SP2: variants seen among roughly 807,000 people sequenced by gnomAD.
The protein encoded by SP2 is Sp2 transcription factor, also known as transcription factor Sp2.
In SP2, 9 loss-of-function variants were observed where a neutral mutation model predicts 50.1. The observed-to-expected ratio is 0.18, with a 90% CI of 0.11 to 0.31. The LOEUF (loss-of-function observed/expected upper bound fraction) is 0.31. SP2 is among the 10% of genes least tolerant of loss of function. The probability of loss-of-function intolerance (pLI) is 1.00; values close to 1 mark genes in which losing one functional copy is unlikely to be tolerated. For synonymous variants in SP2, 313 were observed against 326.6 expected (o/e 0.96, Z 0.45); for missense variants, 581 against 806.5 (o/e 0.72, Z 3.39).
At chr17:47,925,727 C>T (rs1224262220) in intron 6 of SP2, among the ~76,000 whole-genome samples, 186 bp downstream of exon 6, 1 of 152,146 alleles carries the variant, frequency 6.6e-6, no homozygotes, top group Non-Finnish European at 1.5e-5. Context: ...ACTGTTGTTT[C>T]CCCAAGTAAT....
intron 1 of SP2, among the ~76,000 whole-genome samples, chr17:47,900,847 G>A (rs535124608): frequency 6.6e-6 from 1 of 152,288 alleles, no homozygotes; most frequent in South Asian, 2.1e-4. Context: ...ATGTGCCAAA[G>A]CACATAAAGA....
Position 47,915,446 on chromosome 17 carries a change from G to A in SP2, c.84+58G>A, listed in dbSNP as rs532311407. On this transcript the variant is annotated intron_variant, in intron 2 of 6. Coordinates refer to ENST00000376741, the MANE Select transcript of SP2 (RefSeq NM_003110.6). Reference sequence around the variant, plus strand: ...CTGCAGCATCCTGGACAGACTCACCGAAAACACTCTCTCTTCACTGTCTCA... The same window carrying A: ...CTGCAGCATCCTGGACAGACTCACCAAAAACACTCTCTCTTCACTGTCTCA... 180 of 1,093,906 alleles carry A rather than the reference G, an allele frequency of 1.6e-4. 2 individuals are homozygous for A. The highest frequency in any genetic ancestry group is 1.3e-3 in the East Asian group (53 of 39,728). 67.8% of individuals were successfully genotyped at this position (1,093,906 alleles called of 1,614,324 possible). A position where few individuals can be genotyped will look rare whatever the true frequency, so the allele number is the denominator to read the frequency against.
At chr17:47,908,618 G>T (rs1056007902) in intron 1 of SP2, 1 of 151,888 alleles carries the variant, frequency 6.6e-6, no homozygotes, top group Non-Finnish European at 1.5e-5. Context: ...ACAGTGGCAC[G>T]ATCTTGGCTC....
chr17:47,921,717 T>A (rs1337450494), intron 3 of SP2, among the ~76,000 whole-genome samples: 1 of 152,226 alleles, frequency 6.6e-6, no homozygotes, highest in Non-Finnish European at 1.5e-5. Flanking sequence ...TTCCAAGCTT[T>A]CCTTGTACCT....
chr17:47,927,891 G>A lies in SP2; in HGVS notation c.*67G>A. On this transcript the variant is annotated 3_prime_UTR_variant, in exon 7 of 7. Transcript: ENST00000376741. The stretch of plus-strand genomic sequence containing the variant: ...CTGTGTCCTCCCTGGGCCCCTGGTG[G>A]AAAGGAGCCCTGTGGCTGCCTTGGG... 1 of 992,472 alleles carries A rather than the reference G, an allele frequency of 1.0e-6. No individual in the cohort carries two copies. The highest frequency in any genetic ancestry group is 1.4e-5 in the South Asian group (1 of 72,390). 61.5% of individuals were successfully genotyped at this position (992,472 alleles called of 1,614,324 possible).
At chr17:47,920,974 A>G (rs2035434145) in intron 3 of SP2, among the ~76,000 whole-genome samples, 1 of 152,096 alleles carries the variant, frequency 6.6e-6, no homozygotes, top group South Asian at 2.1e-4. Flanking sequence ...GCCCCTGACA[A>G]CTACTGGTCT....
chr17:47,919,625 A>G (rs1025933995), intron 3 of SP2, among the ~76,000 whole-genome samples: 1 of 151,958 alleles, frequency 6.6e-6, no homozygotes, highest in African/African-American at 2.4e-5. Flanking sequence ...ATTCCTACAC[A>G]CAAGAACATT....
chr17:47,926,973 C>T (rs2035674768), intron 6 of SP2, among the ~76,000 whole-genome samples: 1 of 152,126 alleles, frequency 6.6e-6, no homozygotes, highest in Non-Finnish European at 1.5e-5. Flanking sequence ...GCAGAGGAGT[C>T]AACACTCCAC....
intron 2 of SP2, among the ~76,000 whole-genome samples, chr17:47,915,707 T>TAA (rs2143947852): frequency 6.6e-6 from 1 of 152,290 alleles, no homozygotes; most frequent in Non-Finnish European, 1.5e-5. Flanking sequence ...TTCCGAGTAC[T>TAA]AAAAAGCACT....
rs2035207789 is a variant in SP2 at position 47,916,520 on chromosome 17, C to G, written c.449C>G (p.Pro150Arg). The change falls in exon 3 of 7, where the codon CCC becomes CGC. Residue 150 changes from proline (P) to arginine (R), a missense_variant. Pro to Arg is a moderately radical substitution (Grantham distance 103, BLOSUM62 -2). Transcript: ENST00000376741. This position sits in a 1 kb window ranked among gnomAD's most constrained non-coding sequence, Gnocchi z 4.7. ...AATTCCCAAACCATCCAAGTACAGC[C>G]CAATCTCACCAACCAGATCCAGATC... The part of the protein sequence containing the change: ...ASNSQTIQVQ[P>R]NLTNQIQIIP... 1 of 1,614,108 alleles carries G rather than the reference C, an allele frequency of 6.2e-7. No individual in the cohort carries two copies. Among genetic ancestry groups the G allele is most frequent in the Non-Finnish European group, 8.5e-7 (1 of 1,180,020 alleles).
intron 1 of SP2, among the ~76,000 whole-genome samples, chr17:47,903,972 AAAG>A (rs918745751): frequency 1.3e-5 from 2 of 150,110 alleles, no homozygotes; most frequent in African/African-American, 4.9e-5. Flanking sequence ...CAAAAAAAAA[AAAG>A]AAGTAGGCCA....
chr17:47,904,561 T>C (rs888936860), intron 1 of SP2, among the ~76,000 whole-genome samples: 6 of 151,052 alleles, frequency 4.0e-5, no homozygotes, highest in Admixed American at 3.9e-4. Flanking sequence ...GGGTCTGAGA[T>C]GGCGGAGTGG....
chr17:47,915,214 C>CCA lies in SP2; in HGVS notation c.8-98_8-97insCA. The CCA allele has an allele frequency of 2.5e-5, 18 of 715,740 alleles. No individual in the cohort carries two copies. In the East Asian group the frequency reaches 4.4e-4, roughly 18 times the overall value. The allele number at this position is 715,740 out of a possible 1,614,324, so 44.3% of individuals were successfully genotyped here. A position where few individuals can be genotyped will look rare whatever the true frequency, so the allele number is the denominator to read the frequency against. On this transcript the variant is annotated intron_variant, in intron 1 of 6. Transcript: ENST00000376741. ...GGCAACAAGAGCAAAAATTCCGTCT[C>CCA]AAAAAAAAAAAAATAGAAAAAAAGA...
chr17:47,916,589 G>A lies in SP2; in HGVS notation c.518G>A (p.Ser173Asn), dbSNP rs775982479. Residue 173 changes from serine (S) to asparagine (N), a missense_variant, in exon 3 of 7, where the codon AGT (serine) becomes AAT (asparagine). Physicochemically the swap from Ser to Asn is conservative, Grantham distance 46 (BLOSUM62 1). Around this residue, in one of 2 missense-constraint regions of SP2, gnomAD observed 397 missense variants for 491.0 expected, o/e 0.81. Coordinates refer to ENST00000376741, the MANE Select transcript of SP2 (RefSeq NM_003110.6). This position sits in a 1 kb window ranked among gnomAD's most constrained non-coding sequence, Gnocchi z 4.7. The stretch of plus-strand genomic sequence containing the variant: ...GCCATCATCACCCCCTCACCGTCCA[G>A]TCACAAGCCTGTCCCCATCAAGCCA... ...NQAIITPSPSSHKPVPIKPAP... is the reference protein window; with the variant it reads ...NQAIITPSPSNHKPVPIKPAP... The A allele has an allele frequency of 7.4e-6, 12 of 1,614,006 alleles. No homozygotes were observed. The highest frequency in any genetic ancestry group is 1.0e-5 in the Non-Finnish European group (12 of 1,180,024).
chr17:47,929,785 T>A (rs948969646), downstream of SP2: 1 of 152,672 alleles, frequency 6.5e-6, no homozygotes, highest in African/African-American at 2.4e-5. Flanking sequence ...CAAGTCCGCC[T>A]CAAGCATGTA....
intron 1 of SP2, among the ~76,000 whole-genome samples, chr17:47,915,105 C>G (rs1245517159): frequency 6.6e-6 from 1 of 151,724 alleles, no homozygotes. Context: ...CCCAGCTACT[C>G]AGAAGGCTGA....
chr17:47,912,409 A>G (rs1395975524), intron 1 of SP2, among the ~76,000 whole-genome samples: 1 of 149,990 alleles, frequency 6.7e-6, no homozygotes, highest in African/African-American at 2.5e-5. Flanking sequence ...TTACCAGCTC[A>G]TCACCTATCC....
chr17:47,931,260 T>C (rs1201659600), downstream of SP2, among the ~76,000 whole-genome samples: 2 of 152,112 alleles, frequency 1.3e-5, no homozygotes, highest in African/African-American at 4.8e-5. Flanking sequence ...GGCAGGAGAA[T>C]TGGTTGAACC....
Position 47,925,295 on chromosome 17 carries a change from G to T in SP2, c.1548-53G>T, listed in dbSNP as rs1017232870. On this transcript the variant is annotated intron_variant, in intron 5 of 6. Transcript: ENST00000376741. ...TCCTGTTCCTGCCCCATCCTCTACC[G>T]CTTTTCTCTCCTCTTCCTATTCCCT... The T allele has an allele frequency of 1.9e-6, 3 of 1,539,922 alleles. No homozygotes were observed. The African/African-American group carries it at 4.1e-5, about 21-fold the overall frequency.
Sources: allele counts gnomAD v4.1 joint callset (sites outside exome capture counted in the v4.1 genomes callset), GRCh38; gene constraint gnomAD v4.1.1; regional missense constraint gnomAD v4.1.1; non-coding constraint Gnocchi (gnomAD v3.1); transcripts MANE v1.5; gene names NCBI Gene and HGNC (gene_info 2026-07-23, HGNC 2026-07-21).